ZBTB20: variants seen among roughly 807,000 people sequenced by gnomAD.
ZBTB20 encodes the protein zinc finger and BTB domain containing 20, also known as zinc finger and BTB domain-containing protein 20.
In ZBTB20, 9 loss-of-function variants were observed where a neutral mutation model predicts 56.9. That is an observed-to-expected ratio of 0.16 (90% CI 0.10 to 0.28). The LOEUF (loss-of-function observed/expected upper bound fraction) is 0.28. Among genes scored for constraint, ZBTB20 ranks in the 10% least tolerant of loss-of-function variants. The pLI is 1.00. For synonymous variants in ZBTB20, 417 were observed against 420.7 expected (o/e 0.99, Z 0.11); for missense variants, 655 against 1,003.0 (o/e 0.65, Z 4.69).
chr3:114,411,653 C>G (rs2108770490), intron 7 of ZBTB20, among the ~76,000 whole-genome samples: 2 of 152,220 alleles, frequency 1.3e-5, no homozygotes, highest in South Asian at 4.1e-4. Flanking sequence ...ATACAATGAT[C>G]TTTACCCATT....
At chr3:114,438,818 C>A (rs1388272833) in intron 7 of ZBTB20, among the ~76,000 whole-genome samples, 3 of 152,118 alleles carry the variant, frequency 2.0e-5, no homozygotes, top group Non-Finnish European at 4.4e-5. Flanking sequence ...AGGCATAGGG[C>A]CCGTCCAAAC....
intron 4 of ZBTB20, among the ~76,000 whole-genome samples, chr3:114,827,689 T>C (rs1233612193): frequency 6.6e-6 from 1 of 151,716 alleles, no homozygotes; most frequent in Non-Finnish European, 1.5e-5. Flanking sequence ...AGCAAGCCCC[T>C]TAAGCCTACT....
At chr3:114,379,426 A>G (rs1446676126) in intron 10 of ZBTB20, among the ~76,000 whole-genome samples, 1 of 152,198 alleles carries the variant, frequency 6.6e-6, no homozygotes, top group Non-Finnish European at 1.5e-5. Flanking sequence ...TCTCTGAAGT[A>G]TTGGGTTACA....
intron 6 of ZBTB20, among the ~76,000 whole-genome samples, chr3:114,646,367 T>C (rs2059838220): frequency 6.6e-6 from 1 of 152,140 alleles, no homozygotes; most frequent in Non-Finnish European, 1.5e-5. Flanking sequence ...AGAGTTTGTA[T>C]TTGGAGAAGG....
chr3:114,373,367 A>T (rs564416647), intron 10 of ZBTB20, among the ~76,000 whole-genome samples: 2 of 152,246 alleles, frequency 1.3e-5, no homozygotes, highest in African/African-American at 4.8e-5. Context: ...TTATAACAAT[A>T]GACAATGTTA....
intron 4 of ZBTB20, among the ~76,000 whole-genome samples, chr3:114,805,162 T>C (rs1435695152): frequency 1.3e-5 from 2 of 151,956 alleles, no homozygotes; most frequent in African/African-American, 4.8e-5. Flanking sequence ...TACATAACCA[T>C]GGTAAATTTG....
chr3:115,099,307 A>G (rs1272695555), intron 1 of ZBTB20, among the ~76,000 whole-genome samples: 2 of 152,140 alleles, frequency 1.3e-5, no homozygotes, highest in African/African-American at 2.4e-5. Flanking sequence ...CACTTTGTAA[A>G]AAGATGGCCA....
intron 2 of ZBTB20, among the ~76,000 whole-genome samples, chr3:115,069,542 G>A (rs754130328): frequency 1.8e-4 from 28 of 152,148 alleles, no homozygotes; most frequent in Non-Finnish European, 1.8e-4. Context: ...GTCTCAGCAC[G>A]TACTGACATA....
At chr3:114,583,314 A>G (rs994583127) in intron 6 of ZBTB20, among the ~76,000 whole-genome samples, 1 of 152,212 alleles carries the variant, frequency 6.6e-6, no homozygotes, top group African/African-American at 2.4e-5. Flanking sequence ...TCAAAAATTA[A>G]GTTTCGCATA....
chr3:114,729,761 T>C (rs186105271), intron 5 of ZBTB20, among the ~76,000 whole-genome samples: 4 of 152,228 alleles, frequency 2.6e-5, no homozygotes, highest in African/African-American at 9.6e-5. Context: ...TTTTAGAGAA[T>C]TGCAGAATTT....
At chr3:114,893,941 T>C (rs996118303) in intron 4 of ZBTB20, among the ~76,000 whole-genome samples, 4 of 152,118 alleles carry the variant, frequency 2.6e-5, no homozygotes, top group Non-Finnish European at 1.5e-5. Context: ...CAGTAAAAAA[T>C]TCAGGAGTAA....
At chr3:114,556,648 T>A (rs1199797455) in intron 6 of ZBTB20, among the ~76,000 whole-genome samples, 2 of 152,098 alleles carry the variant, frequency 1.3e-5, no homozygotes, top group Non-Finnish European at 2.9e-5. Flanking sequence ...GTTATGAGCA[T>A]CTTTTCTACT....
chr3:115,089,763 T>G lies in ZBTB20; in HGVS notation c.-702-18349A>C, dbSNP rs575260475. On this transcript the variant is annotated intron_variant, in intron 1 of 11. Transcript: ENST00000675478. ...CAGTGTATGCAACAAAGTTGTTGTA[T>G]GCAAAGATTAAATTAAACAGTTTGT... Among the ~76,000 whole-genome samples, 12 of 151,950 alleles carry G rather than the reference T, an allele frequency of 7.9e-5. No individual in the cohort carries two copies. In the East Asian group the frequency reaches 2.3e-3, roughly 29 times the overall value.
chr3:114,694,280 G>C (rs2062868017), intron 5 of ZBTB20, among the ~76,000 whole-genome samples: 1 of 152,012 alleles, frequency 6.6e-6, no homozygotes, highest in Non-Finnish European at 1.5e-5. Flanking sequence ...CTACTGTGGA[G>C]CAACAAAGTC....
chr3:114,354,587 GTTTTTT>G (rs10663657), intron 10 of ZBTB20, among the ~76,000 whole-genome samples: 1 of 130,150 alleles, frequency 7.7e-6, no homozygotes, highest in Non-Finnish European at 1.6e-5. Context: ...TGTTTTGTTT[GTTTTTT>G]TTTTTTTTGA....
At chr3:114,486,979 A>C (rs775086269) in intron 7 of ZBTB20, among the ~76,000 whole-genome samples, 2 of 152,196 alleles carry the variant, frequency 1.3e-5, no homozygotes, top group African/African-American at 2.4e-5. Flanking sequence ...CCCTGATAAA[A>C]GAAAAAAAAC....
chr3:114,693,806 C>CA (rs914591283), intron 5 of ZBTB20, among the ~76,000 whole-genome samples: 22 of 152,068 alleles, frequency 1.4e-4, no homozygotes, highest in African/African-American at 4.6e-4. Flanking sequence ...TAACCAGTTG[C>CA]AACCAGTTAT....
At chr3:114,990,973 G>A (rs1455908624) in intron 2 of ZBTB20, among the ~76,000 whole-genome samples, 3 of 151,966 alleles carry the variant, frequency 2.0e-5, no homozygotes, top group African/African-American at 7.3e-5. Flanking sequence ...ATTTTTTATT[G>A]CGTCTATTTG....
chr3:114,892,330 T>C (rs749170169), intron 4 of ZBTB20, among the ~76,000 whole-genome samples: 8 of 152,168 alleles, frequency 5.3e-5, no homozygotes, highest in African/African-American at 1.9e-4. Context: ...GAACAGCAAA[T>C]AAATTTGGTG....
Sources: allele counts gnomAD v4.1 joint callset (sites outside exome capture counted in the v4.1 genomes callset), GRCh38; gene constraint gnomAD v4.1.1; transcripts MANE v1.5; gene names NCBI Gene and HGNC (gene_info 2026-07-23, HGNC 2026-07-21).